ATP2B1: variants seen among roughly 807,000 people sequenced by gnomAD.
The protein encoded by ATP2B1 is plasma membrane calcium-transporting ATPase 1.
Under a neutral mutation model 124.2 loss-of-function variants are expected in ATP2B1, and 14 were observed. That is an observed-to-expected ratio of 0.11 (90% confidence interval 0.07 to 0.18). The LOEUF is 0.18. Among genes scored for constraint, ATP2B1 ranks in the 10% least tolerant of loss-of-function variants. The pLI, the probability that ATP2B1 is intolerant of heterozygous loss-of-function variation, is 1.00. For synonymous variants in ATP2B1, 449 were observed against 492.4 expected (o/e 0.91, Z 1.17); for missense variants, 763 against 1,466.1 (o/e 0.52, Z 7.83).
intron 12 of ATP2B1, among the ~76,000 whole-genome samples, chr12:89,612,443 C>T (rs1197474162): frequency 2.0e-5 from 3 of 152,124 alleles, no homozygotes; most frequent in Non-Finnish European, 4.4e-5. Flanking sequence ...AAATGACAAA[C>T]CCCCGAGACA....
At chr12:89,605,441 C>T (rs553790613) in intron 15 of ATP2B1, among the ~76,000 whole-genome samples, 2 of 152,064 alleles carry the variant, frequency 1.3e-5, no homozygotes, top group South Asian at 2.1e-4. Flanking sequence ...GTGAGTTTGA[C>T]CCCCTCTTGC....
chr12:89,664,665 T>G (rs1197367741), intron 1 of ATP2B1, among the ~76,000 whole-genome samples: 2 of 152,150 alleles, frequency 1.3e-5, no homozygotes, highest in Non-Finnish European at 2.9e-5. Context: ...ATCGAACACT[T>G]CATGAGACTG....
intron 8 of ATP2B1, 30 bp from the exon 9 acceptor site, chr12:89,624,427 GATT>G (rs775658006): frequency 6.4e-7 from 1 of 1,565,626 alleles, no homozygotes; most frequent in Non-Finnish European, 8.7e-7. Flanking sequence ...AGAAAAATGT[GATT>G]ATTAAATTTC....
intron 1 of ATP2B1, among the ~76,000 whole-genome samples, chr12:89,666,847 C>G (rs940268921): frequency 3.9e-5 from 6 of 152,268 alleles, no homozygotes; most frequent in African/African-American, 1.4e-4. Flanking sequence ...CAAGACCTTG[C>G]TTCCTTGATT....
At position 89,604,173 on chromosome 12, in the gene ATP2B1, C is replaced by T. The variant is rs1022714817; in HGVS notation, c.2616G>A (p.Thr872=). The T allele has an allele frequency of 9.3e-6, 15 of 1,613,504 alleles. No individual in the cohort carries two copies. The highest frequency in any genetic ancestry group is 1.3e-5 in the African/African-American group (1 of 74,840). The part of the protein sequence containing the change: ...VNVVAVIVAF[T]GACITQDSPL... Reference sequence around the variant, plus strand: ...CACCTACTTGAGTAATGCAGGCGCCCGTAAAAGCAACAATCACTGCTACTA... The same window carrying T: ...CACCTACTTGAGTAATGCAGGCGCCTGTAAAAGCAACAATCACTGCTACTA... Residue 872 remains threonine, a synonymous_variant, in exon 16 of 21, where the codon ACG becomes ACA. Coordinates refer to ENST00000428670, the MANE Select transcript of ATP2B1 (RefSeq NM_001366521.1).
chr12:89,617,982 ACTC>A (rs1428709709), intron 11 of ATP2B1, among the ~76,000 whole-genome samples: 2 of 151,568 alleles, frequency 1.3e-5, no homozygotes, highest in Non-Finnish European at 2.9e-5. Context: ...CAATGTGTCC[ACTC>A]CTTTTTATTT....
chr12:89,694,733 G>T (rs998086931), intron 1 of ATP2B1, among the ~76,000 whole-genome samples: 1 of 152,140 alleles, frequency 6.6e-6, no homozygotes, highest in African/African-American at 2.4e-5. Context: ...AAATGTAATT[G>T]TGACAGAAGG....
Position 89,691,179 on chromosome 12 carries a change from G to A in ATP2B1, c.-222+17417C>T, listed in dbSNP as rs1592989431. ...AACTGATTCATTTCTCTGTCTACAG[G>A]GAAAAAAAAATCATCATCCTATTTA... On this transcript the variant is annotated intron_variant, in intron 1 of 20. Transcript: ENST00000428670. Among the ~76,000 whole-genome samples, 6 of 151,042 alleles carry A rather than the reference G, an allele frequency of 4.0e-5. 1 individual carries two copies. The South Asian group carries it at 1.0e-3, about 26-fold the overall frequency.
intron 18 of ATP2B1, among the ~76,000 whole-genome samples, chr12:89,601,712 T>C (rs1009861255): frequency 3.3e-5 from 5 of 152,212 alleles, no homozygotes; most frequent in African/African-American, 1.2e-4. Flanking sequence ...AAATTACGCT[T>C]ACTAAAAAGT....
intron 1 of ATP2B1, among the ~76,000 whole-genome samples, chr12:89,684,058 TA>T (rs1327606855): frequency 3.3e-5 from 5 of 151,954 alleles, no homozygotes; most frequent in Admixed American, 1.3e-4. Flanking sequence ...ATATATCCAT[TA>T]GGGGGGAAAA....
chr12:89,679,682 A>G (rs1045636785), intron 1 of ATP2B1, among the ~76,000 whole-genome samples: 1 of 152,194 alleles, frequency 6.6e-6, no homozygotes. Flanking sequence ...CTGAGGGTAC[A>G]TCGTAGGAGA....
intron 15 of ATP2B1, among the ~76,000 whole-genome samples, chr12:89,608,636 T>A (rs778215009): frequency 6.6e-6 from 1 of 152,228 alleles, no homozygotes. Flanking sequence ...TTAAAGCCCA[T>A]TGTATCTGTC....
intron 8 of ATP2B1, 101 bp from the exon 9 acceptor site, chr12:89,624,498 G>C: frequency 1.1e-6 from 1 of 945,564 alleles, no homozygotes; most frequent in Non-Finnish European, 1.5e-6. Flanking sequence ...TAACTTGCTT[G>C]ATAGTATTGA....
chr12:89,665,279 A>G (rs1887172460), intron 1 of ATP2B1, among the ~76,000 whole-genome samples: 2 of 152,190 alleles, frequency 1.3e-5, no homozygotes. Flanking sequence ...AATATACATA[A>G]ACACTGCAAA....
intron 1 of ATP2B1, among the ~76,000 whole-genome samples, chr12:89,659,767 C>CA (rs573308313): frequency 6.6e-6 from 1 of 151,458 alleles, no homozygotes; most frequent in Admixed American, 6.6e-5. Flanking sequence ...CTAAAAAATA[C>CA]AAAAAATTAG....
intron 1 of ATP2B1, among the ~76,000 whole-genome samples, chr12:89,674,397 G>A (rs538832961): frequency 6.6e-6 from 1 of 151,794 alleles, no homozygotes; most frequent in Non-Finnish European, 1.5e-5. Flanking sequence ...ATAAGGATGG[G>A]TAAATGGGAA....
intron 1 of ATP2B1, among the ~76,000 whole-genome samples, chr12:89,690,070 T>A (rs1011824269): frequency 3.3e-5 from 5 of 152,082 alleles, no homozygotes; most frequent in African/African-American, 1.2e-4. Flanking sequence ...GTGGTAAGCT[T>A]TTACTGAATA....
intron 2 of ATP2B1, among the ~76,000 whole-genome samples, chr12:89,645,783 GA>G (rs1191700995): frequency 2.0e-5 from 3 of 152,236 alleles, no homozygotes; most frequent in Non-Finnish European, 2.9e-5. Flanking sequence ...GGGGGCTAGG[GA>G]GAGGAGAATG....
chr12:89,676,005 T>C (rs1437555689), intron 1 of ATP2B1, among the ~76,000 whole-genome samples: 3 of 152,154 alleles, frequency 2.0e-5, no homozygotes, highest in African/African-American at 7.2e-5. Flanking sequence ...CATCAAATGT[T>C]TCCTCATTGG....
Sources: gnomAD v4.1 joint callset for allele counts (sites outside exome capture counted in the v4.1 genomes callset) on GRCh38, gnomAD v4.1.1 for gene constraint, MANE v1.5 for transcripts, NCBI Gene and HGNC (gene_info 2026-07-23, HGNC 2026-07-21) for gene names.